The following ABHD12 variants were observed in gnomAD, a reference collection of about 807,000 sequenced individuals.
The protein encoded by ABHD12 is lysophosphatidylserine lipase ABHD12.
A neutral mutation model predicts 58.3 loss-of-function variants in ABHD12; 43 were observed. That is an observed-to-expected ratio of 0.74 (90% CI 0.58 to 0.95). ABHD12 has a LOEUF of 0.95. Among genes scored for constraint, ABHD12 ranks in the 40% least tolerant of loss-of-function variants. ABHD12 has a pLI of 0.00. For missense variants in ABHD12, 539 were observed against 537.2 expected, an observed-to-expected ratio of 1.00 and a Z score of -0.03; for synonymous variants, 219 against 211.2, an observed-to-expected ratio of 1.04 and a Z score of -0.32.
chr20:25,295,166 T>A (rs2088520932), intron 12 of ABHD12: 2 of 909,344 alleles, frequency 2.2e-6, no homozygotes, highest in Non-Finnish European at 3.6e-6. Context: ...GAACTGCAAG[T>A]CAGTATTTCC....
chr20:25,340,376 C>CA (rs1275055891), intron 1 of ABHD12, among the ~76,000 whole-genome samples: 17 of 152,180 alleles, frequency 1.1e-4, no homozygotes, highest in Admixed American at 4.6e-4. Context: ...GAGAGTTTAA[C>CA]AGAAAGATTG....
chr20:25,308,703 C>A (rs2088792951), intron 7 of ABHD12, among the ~76,000 whole-genome samples: 1 of 152,188 alleles, frequency 6.6e-6, no homozygotes, highest in Non-Finnish European at 1.5e-5. Context: ...GGGCTGTACC[C>A]ACAGCCAGTC....
At chr20:25,319,298 G>C (rs1183751135) in intron 4 of ABHD12, among the ~76,000 whole-genome samples, 1 of 152,232 alleles carries the variant, frequency 6.6e-6, no homozygotes, top group Non-Finnish European at 1.5e-5. Flanking sequence ...CAACTCCAGG[G>C]CAGCCAGTGG....
chr20:25,374,242 G>C (rs1028309407), intron 1 of ABHD12, among the ~76,000 whole-genome samples: 1 of 152,056 alleles, frequency 6.6e-6, no homozygotes, highest in Non-Finnish European at 1.5e-5. Context: ...GTACAGGTGT[G>C]TGCCACCACA....
chr20:25,318,548 C>T (rs2089005624), intron 4 of ABHD12, among the ~76,000 whole-genome samples: 1 of 152,052 alleles, frequency 6.6e-6, no homozygotes, highest in African/African-American at 2.4e-5. Context: ...ACAAAGAAAG[C>T]AGGCAACGTG....
At chr20:25,377,585 CATG>C (rs1310530692) in intron 1 of ABHD12, among the ~76,000 whole-genome samples, 1 of 152,162 alleles carries the variant, frequency 6.6e-6, no homozygotes, top group Non-Finnish European at 1.5e-5. Context: ...TGATAACTCT[CATG>C]ATAACTAACC....
chr20:25,336,960 C>G (rs1400891499), intron 2 of ABHD12, among the ~76,000 whole-genome samples: 1 of 152,182 alleles, frequency 6.6e-6, no homozygotes, highest in East Asian at 1.9e-4. Flanking sequence ...AACTAAAAAT[C>G]TCTTTCAGAA....
rs996636490 is a variant in ABHD12, at chr20:25,343,917, C to T, written c.192-4566G>A. Among the ~76,000 whole-genome samples the T allele has an allele frequency of 4.6e-5, 7 of 152,244 alleles. No individual in the cohort carries two copies. In the East Asian group the frequency reaches 1.3e-3, roughly 29 times the overall value. ...CCAACAATGTATAAAAAGAATTATA[C>T]ACTACGGCCAAGTGGGATTTGTCCC... On this transcript the variant is annotated intron_variant, in intron 1 of 12. Coordinates refer to ENST00000339157, the MANE Select transcript of ABHD12 (RefSeq NM_001042472.3).
rs753272234 is a variant in ABHD12, at chr20:25,390,491, C to T, written c.191+22G>A. ...GTGAGGGACCGGCCCCCCCCCCCCC[C>T]CCGCTCCGCGCGAAGCCTCACCTGC... On this transcript the variant is annotated intron_variant, in intron 1 of 12. Coordinates refer to ENST00000339157, the MANE Select transcript of ABHD12 (RefSeq NM_001042472.3). 16 of 1,349,252 alleles carry T rather than the reference C, an allele frequency of 1.2e-5. 1 individual carries two copies. Among genetic ancestry groups the T allele is most frequent in the African/African-American group, 9.7e-5 (6 of 61,816 alleles). The allele number at this position is 1,349,252 out of a possible 1,614,324, so 83.6% of individuals were successfully genotyped here.
Position 25,371,923 on chromosome 20 carries a change from A to G in ABHD12, c.191+18590T>C, listed in dbSNP as rs138757793. On this transcript the variant is annotated intron_variant, in intron 1 of 12. Coordinates refer to ENST00000339157, the MANE Select transcript of ABHD12 (RefSeq NM_001042472.3). ...TTTTTTACTATAGGCATTCAGTGCT[A>G]TATTTTCACTTTCCTCAAGCATGCT... Among the ~76,000 whole-genome samples, 183 of 152,324 alleles carry G rather than the reference A, an allele frequency of 1.2e-3. 1 individual carries two copies. The highest frequency in any genetic ancestry group is 4.2e-3 in the African/African-American group (174 of 41,570).
Position 25,300,823 on chromosome 20 carries a change from T to C in ABHD12, c.*22A>G, listed in dbSNP as rs377339443. 2.6e-4 allele frequency: 423 copies of C among 1,614,070 alleles called. 1 individual carries two copies. Among genetic ancestry groups the C allele is most frequent in the Admixed American group, 1.5e-3 (89 of 60,018 alleles). ...AACGGGAGGAGGGCAGAGGTCTTCA[T>C]GCTTCCTTCCCACGGCCAGGCTCAG... is the stretch of plus-strand genomic sequence containing the variant. On this transcript the variant is annotated 3_prime_UTR_variant, in exon 13 of 13. Coordinates refer to ENST00000339157, the MANE Select transcript of ABHD12 (RefSeq NM_001042472.3).
intron 1 of ABHD12, among the ~76,000 whole-genome samples, chr20:25,380,323 G>C (rs961051046): frequency 1.3e-5 from 2 of 152,038 alleles, no homozygotes; most frequent in African/African-American, 4.8e-5. Flanking sequence ...ATGCAATGGC[G>C]CGATTTTGGC....
At chr20:25,362,781 T>C (rs973543085) in intron 1 of ABHD12, among the ~76,000 whole-genome samples, 2 of 151,176 alleles carry the variant, frequency 1.3e-5, no homozygotes, top group African/African-American at 4.9e-5. Flanking sequence ...TTCAAGCAAT[T>C]CTCCTGCCTC....
intron 10 of ABHD12, among the ~76,000 whole-genome samples, chr20:25,305,719 A>G (rs985420489): frequency 6.6e-6 from 1 of 152,172 alleles, no homozygotes; most frequent in Non-Finnish European, 1.5e-5. Context: ...CACAAAGACA[A>G]TATCAATACA....
chr20:25,363,442 C>T (rs190453830), intron 1 of ABHD12, among the ~76,000 whole-genome samples: 176 of 151,142 alleles, frequency 1.2e-3, no homozygotes, highest in Admixed American at 3.2e-3. Flanking sequence ...TGGTGTGCAT[C>T]TCCTGACCTC....
chr20:25,387,008 A>C (rs2090100135), intron 1 of ABHD12, among the ~76,000 whole-genome samples: 1 of 152,246 alleles, frequency 6.6e-6, no homozygotes, highest in African/African-American at 2.4e-5. Flanking sequence ...TTAACAGATA[A>C]AAGAAGAAAA....
chr20:25,314,391 C>T (rs1233528433), intron 6 of ABHD12, among the ~76,000 whole-genome samples: 1 of 152,134 alleles, frequency 6.6e-6, no homozygotes, highest in African/African-American at 2.4e-5. Context: ...ATTTAAAATG[C>T]TGCAGGTTGG....
At chr20:25,296,654 A>T (rs188832447), downstream of ABHD12, 1 of 1,239,534 alleles carries the variant, frequency 8.1e-7, no homozygotes, top group Non-Finnish European at 1.1e-6. Context: ...AGGAGGGGCC[A>T]TGGGGGTCAG....
downstream of ABHD12, among the ~76,000 whole-genome samples, chr20:25,299,250 A>G (rs1447322628): frequency 1.3e-5 from 2 of 152,068 alleles, no homozygotes; most frequent in East Asian, 3.9e-4. Context: ...TACAAGAATT[A>G]GCTGGGCGTG....
Sources: allele counts gnomAD v4.1 joint callset (sites outside exome capture counted in the v4.1 genomes callset), GRCh38; gene constraint gnomAD v4.1.1; transcripts MANE v1.5; gene names NCBI Gene and HGNC (gene_info 2026-07-23, HGNC 2026-07-21).